The following GPX7 variants were observed in gnomAD, a reference collection of about 807,000 sequenced individuals.
GPX7 encodes glutathione peroxidase 7, also known as protein peroxidase GPX7.
A neutral mutation model predicts 23.7 loss-of-function variants in GPX7; 21 were observed. That is an observed-to-expected ratio of 0.89 (90% confidence interval 0.63 to 1.28). The LOEUF (loss-of-function observed/expected upper bound fraction) is 1.28. Ranked by LOEUF, GPX7 falls within the 50% of genes most tolerant of loss-of-function variation. The pLI is 0.00. For missense variants in GPX7, 238 were observed against 237.3 expected (o/e 1.00, Z -0.02); for synonymous variants, 112 against 101.8 (o/e 1.10, Z -0.61).
In GPX7 at chr1:52,608,337, G is replaced by A. The variant is rs1690876501; in HGVS notation, c.476G>A (p.Trp159Ter). The part of the protein sequence containing the change: ...VAPDGKVVGA[W>*]DPTVSVEEVR... ...CCAGATGGAAAGGTGGTAGGGGCTT[G>A]GGACCCAACTGTGTCAGTGGAGGAG... The change falls in exon 3 of 3, where the codon TGG becomes TAG. Residue 159 changes from tryptophan to a stop codon, truncating the protein, a stop_gained. Transcript: ENST00000361314. LOFTEE classifies it high-confidence loss of function. 1 of 1,614,110 alleles carries A rather than the reference G, an allele frequency of 6.2e-7. No homozygotes were observed. The highest frequency in any genetic ancestry group is 8.5e-7 in the Non-Finnish European group (1 of 1,179,980).
intron 1 of GPX7, among the ~76,000 whole-genome samples, chr1:52,605,448 C>T (rs771650811): frequency 5.3e-5 from 8 of 152,084 alleles, no homozygotes; most frequent in Non-Finnish European, 1.2e-4. Context: ...AGGACATCCC[C>T]CCGACAACAA....
chr1:52,605,759 A>G (rs191033117), intron 1 of GPX7, among the ~76,000 whole-genome samples: 3 of 152,292 alleles, frequency 2.0e-5, no homozygotes, highest in Admixed American at 2.0e-4. Flanking sequence ...GCCTGAGGCT[A>G]AGAGTTTTTG....
chr1:52,608,961 T>C lies in GPX7; in HGVS notation c.*536T>C, dbSNP rs1361116882. ...TTAGTTGTTGTTATTTCCTCTGTAT[T>C]ATTTTCTTCATTACAAAAGAAATGC... On this transcript the variant is annotated 3_prime_UTR_variant, in exon 3 of 3. Coordinates refer to ENST00000361314, the MANE Select transcript of GPX7 (RefSeq NM_015696.5). 1 of 152,644 alleles carries C rather than the reference T, an allele frequency of 6.6e-6. No homozygotes were observed. Among genetic ancestry groups the C allele is most frequent in the Non-Finnish European group, 1.5e-5 (1 of 68,074 alleles). The allele number at this position is 152,644 out of a possible 1,614,324, so 9.5% of individuals were successfully genotyped here.
intron 1 of GPX7, among the ~76,000 whole-genome samples, chr1:52,602,934 C>G (rs1297773088): frequency 6.6e-6 from 1 of 152,212 alleles, no homozygotes; most frequent in East Asian, 1.9e-4. Flanking sequence ...TTTCCCTCTC[C>G]CGTCCTCATT....
At chr1:52,602,606 T>C (rs1236043712) in intron 1 of GPX7, 59 bp downstream of exon 1, 1 of 1,147,290 alleles carries the variant, frequency 8.7e-7, no homozygotes, top group Non-Finnish European at 1.2e-6. Context: ...CGGGGCCTGC[T>C]GGGGACGCCC....
chr1:52,606,821 G>C lies in GPX7; in HGVS notation c.276G>C (p.Gln92His), dbSNP rs1311234354. 5 of 1,614,208 alleles carry C rather than the reference G, an allele frequency of 3.1e-6. No homozygotes were observed. Among genetic ancestry groups the C allele is most frequent in the Non-Finnish European group, 4.2e-6 (5 of 1,180,028 alleles). Residue 92 changes from glutamine to histidine, a missense_variant, in exon 2 of 3, where the codon CAG becomes CAC. Transcript: ENST00000361314. ...LAFPCNQFGQ[Q>H]EPDSNKEIES... is the part of the protein sequence containing the mutation. Reference sequence around the variant, plus strand: ...TCCCCTGCAACCAGTTTGGCCAACAGGAGCCTGACAGCAACAAGGAGATTG... The same window carrying C: ...TCCCCTGCAACCAGTTTGGCCAACACGAGCCTGACAGCAACAAGGAGATTG...
At chr1:52,604,932 C>T (rs908620640) in intron 1 of GPX7, among the ~76,000 whole-genome samples, 3 of 151,284 alleles carry the variant, frequency 2.0e-5, no homozygotes, top group Non-Finnish European at 4.4e-5. Flanking sequence ...GTAATCCCAG[C>T]TACTCAGGAG....
rs747412028 is a variant in GPX7 at position 52,606,873 on chromosome 1, G to A, written c.328G>A (p.Val110Ile). Reference sequence around the variant, plus strand: ...GAGCTTTGCCCGCCGCACCTACAGTGTCTCATTCCCCATGTTTAGCAAGAT... The same window carrying A: ...GAGCTTTGCCCGCCGCACCTACAGTATCTCATTCCCCATGTTTAGCAAGAT... ...IESFARRTYS[V>I]SFPMFSKIAV... The change falls in exon 2 of 3, where the codon GTC becomes ATC. Residue 110 changes from valine (V) to isoleucine (I), a missense_variant. Coordinates refer to ENST00000361314, the MANE Select transcript of GPX7 (RefSeq NM_015696.5). The A allele has an allele frequency of 6.8e-6, 11 of 1,614,200 alleles. No individual in the cohort carries two copies. The highest frequency in any genetic ancestry group is 8.5e-6 in the Non-Finnish European group (10 of 1,180,042).
At chr1:52,605,035 ACT>A (rs1470328681) in intron 1 of GPX7, among the ~76,000 whole-genome samples, 1 of 127,376 alleles carries the variant, frequency 7.9e-6, no homozygotes, top group African/African-American at 3.1e-5. Context: ...ACAGAGCAAG[ACT>A]CTGTCTTTAA....
In GPX7 at chr1:52,606,739, G is replaced by A. The variant is rs115958553; in HGVS notation, c.194G>A (p.Arg65Gln). The A allele has an allele frequency of 7.4e-6, 12 of 1,613,984 alleles. No individual in the cohort carries two copies. The South Asian group carries it at 7.7e-5, about 10-fold the overall frequency. The change falls in exon 2 of 3, where the codon CGA (arginine) becomes CAA (glutamine). Residue 65 changes from arginine to glutamine, a missense_variant. Coordinates refer to ENST00000361314, the MANE Select transcript of GPX7 (RefSeq NM_015696.5). ...SECGFTDQHY[R>Q]ALQQLQRDLG... ...TGCGGCTTCACAGACCAGCACTACC[G>A]AGCCCTGCAGCAGCTGCAGCGAGAC...
At chr1:52,604,421 G>C (rs915750890) in intron 1 of GPX7, among the ~76,000 whole-genome samples, 2 of 152,204 alleles carry the variant, frequency 1.3e-5, no homozygotes, top group African/African-American at 4.8e-5. Flanking sequence ...TGATGACATA[G>C]TCATGAGCAA....
intron 1 of GPX7, among the ~76,000 whole-genome samples, chr1:52,605,060 A>G (rs10712352): frequency 0.066 from 10,011 of 150,882 alleles, 427 homozygotes; most frequent in African/African-American, 0.1. Flanking sequence ...AAAAAAAAAA[A>G]AAAAAAAAAG....
At chr1:52,602,592 C>A in intron 1 of GPX7, 45 bp downstream of exon 1, 2 of 1,309,960 alleles carry the variant, frequency 1.5e-6, no homozygotes, top group Non-Finnish European at 2.1e-6. Context: ...CGGCCTCGCC[C>A]TGGCGGGGCC....
Position 52,608,454 on chromosome 1 carries a change from T to G in GPX7, c.*29T>G. 6.3e-7 allele frequency: 1 copy of G among 1,575,550 alleles called. No homozygotes were observed. The highest frequency in any genetic ancestry group is 2.3e-5 in the East Asian group (1 of 44,394). On this transcript the variant is annotated 3_prime_UTR_variant, in exon 3 of 3. Coordinates refer to ENST00000361314, the MANE Select transcript of GPX7 (RefSeq NM_015696.5). ...CCGCGTCTCCTCCTCCACCACCTCATCCCGCCCACCTGTGTGGGGCTGACC... is the reference window on the plus strand; with the variant it reads ...CCGCGTCTCCTCCTCCACCACCTCAGCCCGCCCACCTGTGTGGGGCTGACC...
At chr1:52,602,716 G>A (rs991052675) in intron 1 of GPX7, among the ~76,000 whole-genome samples, 169 bp downstream of exon 1, 14 of 151,020 alleles carry the variant, frequency 9.3e-5, no homozygotes, top group African/African-American at 3.4e-4. Context: ...CTCTGGCGCG[G>A]CGCCCCCATC....
chr1:52,608,410 G>A lies in GPX7; in HGVS notation c.549G>A (p.Lys183=), dbSNP rs981283112. The A allele has an allele frequency of 6.2e-7, 1 of 1,612,036 alleles. No homozygotes were observed. The highest frequency in any genetic ancestry group is 1.1e-5 in the South Asian group (1 of 90,868). The change falls in exon 3 of 3, where the codon AAG becomes AAA. Residue 183 remains lysine (K), a synonymous_variant. Transcript: ENST00000361314. ...TALVRKLILL[K]REDL is the part of the protein sequence containing the mutation. ...TCGTGAGGAAGCTCATCCTACTGAA[G>A]CGAGAAGACTTATAACCACCGCGTC...
chr1:52,608,234 C>G (rs370381459), intron 2 of GPX7, 28 bp from the exon 3 acceptor site: 1 of 1,590,752 alleles, frequency 6.3e-7, no homozygotes, highest in Non-Finnish European at 8.6e-7. Flanking sequence ...CAGGGTAGCA[C>G]GCTTTGCTCT....
chr1:52,607,055 T>C (rs1344889156), intron 2 of GPX7, 110 bp downstream of exon 2: 2 of 1,062,216 alleles, frequency 1.9e-6, no homozygotes, highest in East Asian at 4.7e-5. Flanking sequence ...CCCCTTCCCC[T>C]TCCTGATCAT....
chr1:52,603,791 G>A (rs35455603), intron 1 of GPX7, among the ~76,000 whole-genome samples: 11,590 of 152,178 alleles, frequency 0.076, 549 homozygotes, highest in African/African-American at 0.13. Flanking sequence ...AGATGAAGGC[G>A]TGGATGCACT....
Sources: allele counts gnomAD v4.1 joint callset (sites outside exome capture counted in the v4.1 genomes callset), GRCh38; gene constraint gnomAD v4.1.1; transcripts MANE v1.5; gene names NCBI Gene and HGNC (gene_info 2026-07-23, HGNC 2026-07-21).